Variants in PRNP observed in about 807,000 individuals in gnomAD.
PRNP encodes major prion protein.
A neutral mutation model predicts 21.3 loss-of-function variants in PRNP; 15 were observed. The ratio of observed to expected loss-of-function variants is 0.71; its 90% CI spans 0.47 to 1.09. The LOEUF (loss-of-function observed/expected upper bound fraction) is 1.09. Among genes scored for constraint, PRNP ranks in the 50% least tolerant of loss-of-function variants. PRNP has a pLI of 0.00. For missense variants in PRNP, 285 were observed against 340.9 expected, an observed-to-expected ratio of 0.84 and a Z score of 1.29; for synonymous variants, 121 against 123.1, an observed-to-expected ratio of 0.98 and a Z score of 0.11.
chr20:4,686,832 C>T lies in PRNP; in HGVS notation c.-11+320C>T, dbSNP rs940593324. On this transcript the variant is annotated intron_variant, in intron 1 of 1. Transcript: ENST00000379440. This position sits in a 1 kb window ranked among gnomAD's most constrained non-coding sequence, Gnocchi z 6.7. ...TGGCGCCGGGGTGTCTCAGCGCCCC[C>T]TGCACCCCGCGCGGGTCCGGCCCAG... is the stretch of plus-strand genomic sequence containing the variant. The T allele has an allele frequency of 3.0e-4, 46 of 151,844 alleles. No homozygotes were observed. Among genetic ancestry groups the T allele is most frequent in the African/African-American group, 9.6e-4 (40 of 41,510 alleles). 9.4% of individuals were successfully genotyped at this position (151,844 alleles called of 1,614,324 possible).
In PRNP at chr20:4,686,947, G is replaced by GGGCT. The variant is rs1361754083; in HGVS notation, c.-11+436_-11+439dup. ...CGGGGAGGGGCGCCTGGGGGCCGCG[G>GGGCT]GGCTCGCGCTCCCCGCCCGTTGGCC... On this transcript the variant is annotated intron_variant, in intron 1 of 1. Coordinates refer to ENST00000379440, the MANE Select transcript of PRNP (RefSeq NM_000311.5). The surrounding 1 kb of genome is among the most constrained non-coding windows in gnomAD (Gnocchi z 6.7). Among the ~76,000 whole-genome samples, 2 of 151,548 alleles carry GGGCT rather than the reference G, an allele frequency of 1.3e-5. No individual in the cohort carries two copies. Among genetic ancestry groups the GGGCT allele is most frequent in the Non-Finnish European group, 1.5e-5 (1 of 67,806 alleles).
chr20:4,690,030 T>C (rs1921725490), intron 1 of PRNP, among the ~76,000 whole-genome samples: 1 of 152,152 alleles, frequency 6.6e-6, no homozygotes, highest in Non-Finnish European at 1.5e-5. Flanking sequence ...TCCAGCAATG[T>C]TGTTTTTTAA....
chr20:4,693,505 T>C (rs563163997), intron 1 of PRNP, among the ~76,000 whole-genome samples: 7 of 152,242 alleles, frequency 4.6e-5, no homozygotes, highest in African/African-American at 1.7e-4. Context: ...ACTAAGACCC[T>C]TTAATGGCTC....
rs1027459751 is a variant in PRNP at position 4,699,148 on chromosome 20, A to G, written c.-10-63A>G. 11 of 1,583,308 alleles carry G rather than the reference A, an allele frequency of 6.9e-6. No homozygotes were observed. The highest frequency in any genetic ancestry group is 4.0e-5 in the African/African-American group (3 of 74,302). On this transcript the variant is annotated intron_variant, in intron 1 of 1. Transcript: ENST00000379440. The surrounding 1 kb of genome is among the most constrained non-coding windows in gnomAD (Gnocchi z 5.8). ...ATTGCTATGCACTCATTCATTATGCAGGAAACATTTAGTAATTTCAACATA... is the reference window on the plus strand; with the variant it reads ...ATTGCTATGCACTCATTCATTATGCGGGAAACATTTAGTAATTTCAACATA...
rs771239157 is a variant in PRNP, at chr20:4,699,255, T to C, written c.35T>C (p.Phe12Ser). 6.2e-7 allele frequency: 1 copy of C among 1,613,998 alleles called. No individual in the cohort carries two copies. The highest frequency in any genetic ancestry group is 8.5e-7 in the Non-Finnish European group (1 of 1,180,040). Reference protein sequence around the residue: ...ANLGCWMLVLFVATWSDLGLC... With the variant: ...ANLGCWMLVLSVATWSDLGLC... ...CTTGGCTGCTGGATGCTGGTTCTCT[T>C]TGTGGCCACATGGAGTGACCTGGGC... is the stretch of plus-strand genomic sequence containing the variant. Residue 12 changes from phenylalanine (F) to serine (S), a missense_variant, in exon 2 of 2, where the codon TTT becomes TCT. Transcript: ENST00000379440. The surrounding 1 kb of genome is among the most constrained non-coding windows in gnomAD (Gnocchi z 5.8).
intron 1 of PRNP, among the ~76,000 whole-genome samples, chr20:4,694,084 A>G (rs1922010028): frequency 1.4e-5 from 1 of 70,062 alleles, no homozygotes. Context: ...CTGTCTCAAG[A>G]AAAAAAAAAA....
intron 1 of PRNP, among the ~76,000 whole-genome samples, chr20:4,690,997 T>C (rs2122204374): frequency 6.6e-6 from 1 of 152,232 alleles, no homozygotes; most frequent in Non-Finnish European, 1.5e-5. Context: ...CATACAAAAA[T>C]CAGTAGTGTT....
chr20:4,699,839 G>C lies in PRNP; in HGVS notation c.619G>C (p.Glu207Gln). 2 of 1,613,794 alleles carry C rather than the reference G, an allele frequency of 1.2e-6. No homozygotes were observed. Among genetic ancestry groups the C allele is most frequent in the South Asian group, 1.1e-5 (1 of 91,032 alleles). Residue 207 changes from glutamate to glutamine, a missense_variant, in exon 2 of 2, where the codon GAG becomes CAG. Glu to Gln is a conservative substitution (Grantham distance 29). Coordinates refer to ENST00000379440, the MANE Select transcript of PRNP (RefSeq NM_000311.5). This position sits in a 1 kb window ranked among gnomAD's most constrained non-coding sequence, Gnocchi z 5.8. ...CACCGAGACCGACGTTAAGATGATG[G>C]AGCGCGTGGTTGAGCAGATGTGTAT... is the stretch of plus-strand genomic sequence containing the variant. The part of the protein sequence containing the change: ...NFTETDVKMM[E>Q]RVVEQMCITQ...
At chr20:4,687,748 T>C (rs1410506054) in intron 1 of PRNP, among the ~76,000 whole-genome samples, 1 of 152,230 alleles carries the variant, frequency 6.6e-6, no homozygotes, top group Admixed American at 6.5e-5. Flanking sequence ...CGTTATTTTC[T>C]TGTTCTGAGA....
intron 1 of PRNP, among the ~76,000 whole-genome samples, chr20:4,693,349 T>C (rs1033789361): frequency 1.3e-5 from 2 of 152,166 alleles, no homozygotes; most frequent in Non-Finnish European, 2.9e-5. Context: ...GAAAAAATGT[T>C]TTGTAGACAT....
intron 1 of PRNP, among the ~76,000 whole-genome samples, chr20:4,698,100 C>T (rs1271603735): frequency 1.3e-5 from 2 of 152,054 alleles, no homozygotes; most frequent in Non-Finnish European, 2.9e-5. Flanking sequence ...AGCTGGGCCT[C>T]ACGAGATTGT....
intron 1 of PRNP, among the ~76,000 whole-genome samples, chr20:4,696,986 A>T (rs1922210729): frequency 6.6e-6 from 1 of 152,198 alleles, no homozygotes; most frequent in Admixed American, 6.5e-5. Context: ...TAAATGAGGC[A>T]CATTCAAAGC....
At chr20:4,695,702 C>A (rs900794929) in intron 1 of PRNP, among the ~76,000 whole-genome samples, 8 of 152,110 alleles carry the variant, frequency 5.3e-5, no homozygotes, top group African/African-American at 1.7e-4. Context: ...AATTATTTGC[C>A]TTATGGTTTG....
chr20:4,687,236 G>T (rs1248763716), intron 1 of PRNP, among the ~76,000 whole-genome samples: 3 of 152,156 alleles, frequency 2.0e-5, no homozygotes, highest in African/African-American at 4.8e-5. Context: ...GCGGACTGAC[G>T]GGCGGGGGCG....
Position 4,699,424 on chromosome 20 carries a change from TCATGGTGGTGGCTGGGGGCAGCCC to T in PRNP, c.222_245del (p.Pro84_Gln91del), listed in dbSNP as rs754362804. ...CTCATGGTGGTGGCTGGGGGCAGCC[TCATGGTGGTGGCTGGGGGCAGCCC>T]CATGGTGGTGGCTGGGGACAGCCTC... On this transcript the variant is annotated inframe_deletion, in exon 2 of 2. Coordinates refer to ENST00000379440, the MANE Select transcript of PRNP (RefSeq NM_000311.5). This position sits in a 1 kb window ranked among gnomAD's most constrained non-coding sequence, Gnocchi z 5.8. The T allele has an allele frequency of 1.2e-4, 196 of 1,607,036 alleles. No homozygotes were observed. The highest frequency in any genetic ancestry group is 1.5e-4 in the African/African-American group (11 of 74,000).
intron 1 of PRNP, among the ~76,000 whole-genome samples, chr20:4,698,873 G>T (rs11087653): frequency 6.6e-6 from 1 of 152,130 alleles, no homozygotes; most frequent in East Asian, 1.9e-4. Flanking sequence ...TTCTCCAAAG[G>T]GTCATAAATT....
intron 1 of PRNP, among the ~76,000 whole-genome samples, chr20:4,689,044 T>A (rs1016606868): frequency 2.0e-5 from 3 of 152,250 alleles, no homozygotes; most frequent in Non-Finnish European, 4.4e-5. Context: ...TTTTTTTAGT[T>A]GATTAATGAT....
At chr20:4,689,675 A>G (rs531413056) in intron 1 of PRNP, among the ~76,000 whole-genome samples, 1 of 152,314 alleles carries the variant, frequency 6.6e-6, no homozygotes, top group East Asian at 1.9e-4. Context: ...ACTGCTGCAT[A>G]TTAAACATTC....
chr20:4,694,383 T>A (rs1284677259), intron 1 of PRNP, among the ~76,000 whole-genome samples: 1 of 152,162 alleles, frequency 6.6e-6, no homozygotes, highest in African/African-American at 2.4e-5. Context: ...TACTAGTTAT[T>A]CCATAAATAT....
Sources: gnomAD v4.1 joint callset for allele counts (sites outside exome capture counted in the v4.1 genomes callset) on GRCh38, gnomAD v4.1.1 for gene constraint, Gnocchi (gnomAD v3.1) non-coding constraint, MANE v1.5 for transcripts, NCBI Gene and HGNC (gene_info 2026-07-23, HGNC 2026-07-21) for gene names.